Variants in RYR3 observed in about 807,000 individuals in gnomAD.
The protein encoded by RYR3 is ryanodine receptor 3.
Under a neutral mutation model 584.3 loss-of-function variants are expected in RYR3, and 207 were observed. The ratio of observed to expected loss-of-function variants is 0.35; its 90% CI spans 0.32 to 0.40. The LOEUF (loss-of-function observed/expected upper bound fraction) is 0.40. RYR3 is among the 10% of genes least tolerant of loss of function. The pLI is 1.00. For missense variants in RYR3, 5,616 were observed against 6,089.2 expected (o/e 0.92, Z 2.59); for synonymous variants, 2,416 against 2,248.5 (o/e 1.07, Z -2.11).
chr15:33,364,391 G>A (rs778035631), intron 1 of RYR3, among the ~76,000 whole-genome samples: 55 of 152,262 alleles, frequency 3.6e-4, no homozygotes, highest in Non-Finnish European at 1.6e-4. Flanking sequence ...ATATTTTACT[G>A]AGGCAGCATG....
At chr15:33,325,725 T>TCTTCCTTCCTTC (rs67855881) in intron 1 of RYR3, among the ~76,000 whole-genome samples, 45 of 91,492 alleles carry the variant, frequency 4.9e-4, no homozygotes, top group Middle Eastern at 5.6e-3. Context: ...CCCCTCCCCC[T>TCTTCCTTCCTTC]CTTCCTTCCT....
At chr15:33,532,557 T>C (rs2054973983) in intron 4 of RYR3, among the ~76,000 whole-genome samples, 1 of 152,210 alleles carries the variant, frequency 6.6e-6, no homozygotes, top group Admixed American at 6.5e-5. Flanking sequence ...CTTCATGTAT[T>C]GTAAATAATG....
chr15:33,322,679 C>T (rs888326792), intron 1 of RYR3, among the ~76,000 whole-genome samples: 3 of 152,098 alleles, frequency 2.0e-5, no homozygotes, highest in African/African-American at 7.2e-5. Context: ...ACACAATTCA[C>T]ATAAATGACT....
At position 33,311,701 on chromosome 15, in the gene RYR3, C is replaced by G. The variant is rs1411790941; in HGVS notation, c.51+605C>G. On this transcript the variant is annotated intron_variant, in intron 1 of 103. Coordinates refer to ENST00000634891, the MANE Select transcript of RYR3 (RefSeq NM_001036.6). This position sits in a 1 kb window ranked among gnomAD's most constrained non-coding sequence, Gnocchi z 4.4. ...CCACGCCGGCAACTGCTGCTGGAGC[C>G]TGACTTGACTGACTGCCTGTCGTGT... Among the ~76,000 whole-genome samples, 1 of 152,222 alleles carries G rather than the reference C, an allele frequency of 6.6e-6. No individual in the cohort carries two copies.
intron 1 of RYR3, among the ~76,000 whole-genome samples, chr15:33,371,258 C>G (rs1224485982): frequency 6.6e-6 from 1 of 152,150 alleles, no homozygotes; most frequent in African/African-American, 2.4e-5. Flanking sequence ...AGCCTCAAGT[C>G]TGGAGCTCCT....
chr15:33,765,137 T>A (rs1024996337), intron 60 of RYR3, among the ~76,000 whole-genome samples: 6 of 150,512 alleles, frequency 4.0e-5, no homozygotes, highest in Non-Finnish European at 5.9e-5. Flanking sequence ...AGGAAAAAAA[T>A]TTTTCATCAA....
chr15:33,415,884 A>T (rs957694660), intron 1 of RYR3, among the ~76,000 whole-genome samples: 5 of 151,910 alleles, frequency 3.3e-5, no homozygotes, highest in Non-Finnish European at 5.9e-5. Flanking sequence ...CTCTTTTTGG[A>T]TTCCCCAGTG....
chr15:33,608,453 G>A (rs1224742360), intron 18 of RYR3, among the ~76,000 whole-genome samples: 2 of 152,346 alleles, frequency 1.3e-5, no homozygotes, highest in South Asian at 4.1e-4. Context: ...CTATGCAAAA[G>A]CAATGCCACC....
At chr15:33,637,858 T>C (rs1286657377) in intron 27 of RYR3, among the ~76,000 whole-genome samples, 2 of 152,210 alleles carry the variant, frequency 1.3e-5, no homozygotes, top group African/African-American at 4.8e-5. Context: ...ACGTGCAGGT[T>C]TGTTACATAT....
At chr15:33,759,447 C>T (rs28889044) in intron 60 of RYR3, among the ~76,000 whole-genome samples, 5,563 of 152,196 alleles carry the variant, frequency 0.037, 334 homozygotes, top group African/African-American at 0.13. Flanking sequence ...TAGGGAAGAA[C>T]ATAAATGACC....
chr15:33,369,403 T>G (rs530343525), intron 1 of RYR3, among the ~76,000 whole-genome samples: 45 of 152,196 alleles, frequency 3.0e-4, no homozygotes, highest in Non-Finnish European at 6.2e-4. Context: ...GTCCTCTCCC[T>G]TTTGTTAAAA....
intron 16 of RYR3, among the ~76,000 whole-genome samples, chr15:33,593,347 AG>A (rs1230617837): frequency 6.6e-6 from 1 of 152,160 alleles, no homozygotes; most frequent in East Asian, 1.9e-4. Flanking sequence ...CATAGCTAGA[AG>A]GGTTTATTCC....
chr15:33,747,565 C>T (rs1471749935), intron 53 of RYR3, among the ~76,000 whole-genome samples: 1 of 151,788 alleles, frequency 6.6e-6, no homozygotes, highest in Admixed American at 6.6e-5. Flanking sequence ...GCTGGGACTA[C>T]AGGCATGCAC....
At chr15:33,860,103 G>C (rs1363388935) in intron 100 of RYR3, among the ~76,000 whole-genome samples, 3 of 151,672 alleles carry the variant, frequency 2.0e-5, no homozygotes, top group Admixed American at 1.3e-4. Flanking sequence ...GGGGAGGGGA[G>C]GGAAAGAATG....
chr15:33,321,499 C>T (rs1373960737), intron 1 of RYR3, among the ~76,000 whole-genome samples: 2 of 152,084 alleles, frequency 1.3e-5, no homozygotes, highest in Non-Finnish European at 2.9e-5. Context: ...AAGAATTGTC[C>T]TTCCCTGGTT....
At chr15:33,404,113 T>G (rs1019905178) in intron 1 of RYR3, among the ~76,000 whole-genome samples, 2 of 152,202 alleles carry the variant, frequency 1.3e-5, no homozygotes, top group African/African-American at 4.8e-5. Flanking sequence ...AAATAACAGT[T>G]AGCTTACATC....
At chr15:33,578,017 C>T (rs2058386566) in intron 12 of RYR3, among the ~76,000 whole-genome samples, 1 of 152,174 alleles carries the variant, frequency 6.6e-6, no homozygotes, top group African/African-American at 2.4e-5. Context: ...AAAAGCTCAA[C>T]ATCACTGATC....
At chr15:33,431,069 A>C (rs2045103232) in intron 1 of RYR3, among the ~76,000 whole-genome samples, 1 of 152,258 alleles carries the variant, frequency 6.6e-6, no homozygotes, top group South Asian at 2.1e-4. Flanking sequence ...AGAATGGGTG[A>C]AAGTGTGGAG....
chr15:33,379,687 C>CTCTCTCTCTCTCTCTCTCTCTCTCTATA, intron 1 of RYR3, among the ~76,000 whole-genome samples: 1 of 125,500 alleles, frequency 8.0e-6, no homozygotes, highest in African/African-American at 3.6e-5. Context: ...CTCTCTCTCT[C>CTCTCTCTCTCTCTCTCTCTCTCTCTATA]TATATATATA....
Sources: allele counts gnomAD v4.1 joint callset (sites outside exome capture counted in the v4.1 genomes callset), GRCh38; gene constraint gnomAD v4.1.1; non-coding constraint Gnocchi (gnomAD v3.1); transcripts MANE v1.5; gene names NCBI Gene and HGNC (gene_info 2026-07-23, HGNC 2026-07-21).